The following RHOBTB1 variants were observed in gnomAD, a reference collection of about 807,000 sequenced individuals.
RHOBTB1 encodes rho-related BTB domain-containing protein 1.
A neutral mutation model predicts 71.6 loss-of-function variants in RHOBTB1; 40 were observed. The ratio of observed to expected loss-of-function variants is 0.56; its 90% confidence interval spans 0.43 to 0.73. The LOEUF (loss-of-function observed/expected upper bound fraction) is 0.73. Ranked by LOEUF, RHOBTB1 falls within the 30% of genes least tolerant of loss-of-function variation. The pLI is 0.00. For synonymous variants in RHOBTB1, 319 were observed against 334.9 expected, an observed-to-expected ratio of 0.95 and a Z score of 0.52; for missense variants, 797 against 894.0, an observed-to-expected ratio of 0.89 and a Z score of 1.38.
chr10:60,900,108 A>G (rs1376398121), intron 4 of RHOBTB1, among the ~76,000 whole-genome samples: 1 of 152,182 alleles, frequency 6.6e-6, no homozygotes, highest in Non-Finnish European at 1.5e-5. Flanking sequence ...GGGGAAACTG[A>G]AGTCTTTGAG....
At chr10:60,999,993 T>C (rs77971786) in intron 1 of RHOBTB1, among the ~76,000 whole-genome samples, 1,990 of 152,352 alleles carry the variant, frequency 0.013, 19 homozygotes, top group Middle Eastern at 0.048. Context: ...CATTGTTTAA[T>C]TGACAGGAAA....
intron 1 of RHOBTB1, among the ~76,000 whole-genome samples, chr10:60,989,430 T>C (rs2086781160): frequency 6.6e-6 from 1 of 152,244 alleles, no homozygotes; most frequent in South Asian, 2.1e-4. Flanking sequence ...GTCCTAGTCC[T>C]AATGCCTAGT....
chr10:60,989,391 G>C (rs749612834), intron 1 of RHOBTB1, among the ~76,000 whole-genome samples: 4 of 152,198 alleles, frequency 2.6e-5, no homozygotes, highest in Non-Finnish European at 5.9e-5. Flanking sequence ...GATTTTCCAT[G>C]AGGGACGGAA....
intron 2 of RHOBTB1, among the ~76,000 whole-genome samples, chr10:60,965,648 CTGAA>C (rs564960539): frequency 1.6e-4 from 24 of 152,204 alleles, no homozygotes; most frequent in African/African-American, 4.6e-4. Context: ...AAATTAATAA[CTGAA>C]TGAATGAATG....
At chr10:60,892,716 G>A (rs1233371016) in intron 5 of RHOBTB1, 94 bp downstream of exon 5, 2 of 1,068,430 alleles carry the variant, frequency 1.9e-6, no homozygotes, top group Non-Finnish European at 2.7e-6. Flanking sequence ...GGATCCAGGA[G>A]TGTTGAAGAG....
chr10:60,917,888 C>T (rs1227615943), intron 2 of RHOBTB1, among the ~76,000 whole-genome samples: 2 of 152,224 alleles, frequency 1.3e-5, no homozygotes, highest in African/African-American at 4.8e-5. Context: ...GATTTCCTAA[C>T]TAACCCTCCA....
chr10:61,001,558 A>G (rs887097682), upstream of RHOBTB1: 3 of 131,372 alleles, frequency 2.3e-5, no homozygotes, highest in African/African-American at 8.5e-5. Flanking sequence ...ATCCCGGGCC[A>G]CAGTCCCCGT....
At chr10:60,965,597 A>T (rs1046737277) in intron 2 of RHOBTB1, among the ~76,000 whole-genome samples, 2 of 152,168 alleles carry the variant, frequency 1.3e-5, no homozygotes, top group African/African-American at 2.4e-5. Flanking sequence ...CTAAGGTAGT[A>T]TTTCAAGTGC....
intron 2 of RHOBTB1, among the ~76,000 whole-genome samples, chr10:60,953,840 C>T (rs528481002): frequency 6.6e-6 from 1 of 152,216 alleles, no homozygotes; most frequent in South Asian, 2.1e-4. Context: ...ATGAAAAACC[C>T]TTTGAAATTC....
chr10:60,879,586 C>G (rs1420901684), intron 7 of RHOBTB1, among the ~76,000 whole-genome samples: 1 of 151,952 alleles, frequency 6.6e-6, no homozygotes, highest in Non-Finnish European at 1.5e-5. Context: ...CTCAAGTGAT[C>G]CTCCTGCCTT....
chr10:60,981,581 G>T (rs1327473370), intron 2 of RHOBTB1, among the ~76,000 whole-genome samples: 3 of 151,980 alleles, frequency 2.0e-5, no homozygotes, highest in Admixed American at 6.6e-5. Context: ...GCATTCAACT[G>T]GTTTTGAAAT....
chr10:60,926,154 T>C (rs1347883385), intron 2 of RHOBTB1, among the ~76,000 whole-genome samples: 1 of 152,098 alleles, frequency 6.6e-6, no homozygotes, highest in Non-Finnish European at 1.5e-5. Context: ...GGAGACTCAC[T>C]TGAACCTGGG....
intron 2 of RHOBTB1, among the ~76,000 whole-genome samples, chr10:60,934,364 C>A (rs1222754225): frequency 6.6e-6 from 1 of 152,144 alleles, no homozygotes. Flanking sequence ...ATCAAAGGAA[C>A]TAATACCTCA....
At chr10:60,921,164 T>C (rs1402251006) in intron 2 of RHOBTB1, among the ~76,000 whole-genome samples, 1 of 152,074 alleles carries the variant, frequency 6.6e-6, no homozygotes, top group African/African-American at 2.4e-5. Flanking sequence ...GCCATGCTGG[T>C]CTTGAACTCT....
intron 2 of RHOBTB1, among the ~76,000 whole-genome samples, chr10:60,921,168 G>GA (rs957267616): frequency 2.6e-5 from 4 of 152,092 alleles, no homozygotes; most frequent in Non-Finnish European, 2.9e-5. Flanking sequence ...TGCTGGTCTT[G>GA]AACTCTTGAT....
At chr10:60,991,068 C>A (rs2134959228) in intron 1 of RHOBTB1, among the ~76,000 whole-genome samples, 1 of 152,302 alleles carries the variant, frequency 6.6e-6, no homozygotes, top group Non-Finnish European at 1.5e-5. Flanking sequence ...TGAATCCATT[C>A]ACCTTTTGGA....
At chr10:60,885,521 T>A (rs989898352) in intron 7 of RHOBTB1, among the ~76,000 whole-genome samples, 3 of 151,994 alleles carry the variant, frequency 2.0e-5, no homozygotes, top group Non-Finnish European at 2.9e-5. Flanking sequence ...AACCCTCATA[T>A]CCCCTCAACA....
chr10:60,896,708 A>G (rs1237943793), intron 4 of RHOBTB1, among the ~76,000 whole-genome samples: 1 of 152,226 alleles, frequency 6.6e-6, no homozygotes, highest in East Asian at 1.9e-4. Flanking sequence ...ATCTTAGGGA[A>G]AAATGACTTC....
At chr10:60,915,473 GAC>G (rs1414641418) in intron 2 of RHOBTB1, among the ~76,000 whole-genome samples, 1 of 152,128 alleles carries the variant, frequency 6.6e-6, no homozygotes, top group Non-Finnish European at 1.5e-5. Flanking sequence ...TGAAAGAATG[GAC>G]ACTGGTAATC....
Sources: allele counts gnomAD v4.1 joint callset (sites outside exome capture counted in the v4.1 genomes callset), GRCh38; gene constraint gnomAD v4.1.1; transcripts MANE v1.5; gene names NCBI Gene and HGNC (gene_info 2026-07-23, HGNC 2026-07-21).